Variants in ZCCHC14 observed in about 807,000 individuals in gnomAD.
ZCCHC14 encodes the protein zinc finger CCHC domain-containing protein 14.
In ZCCHC14, 16 loss-of-function variants were observed where a neutral mutation model predicts 85.0. The observed-to-expected ratio is 0.19, with a 90% CI of 0.13 to 0.29. ZCCHC14 has a LOEUF of 0.29. Among genes scored for constraint, ZCCHC14 ranks in the 10% least tolerant of loss-of-function variants. The pLI is 1.00. For synonymous variants in ZCCHC14, 775 were observed against 630.7 expected (o/e 1.23, Z -3.43); for missense variants, 1,303 against 1,443.5 (o/e 0.90, Z 1.58).
At chr16:87,465,685 GT>G (rs1445713950) in intron 1 of ZCCHC14, among the ~76,000 whole-genome samples, 1 of 152,206 alleles carries the variant, frequency 6.6e-6, no homozygotes, top group African/African-American at 2.4e-5. Flanking sequence ...TGAAACGCAG[GT>G]TTGATTCATG....
chr16:87,452,055 G>A (rs561238875), intron 2 of ZCCHC14, among the ~76,000 whole-genome samples: 1 of 152,370 alleles, frequency 6.6e-6, no homozygotes, highest in Non-Finnish European at 1.5e-5. Flanking sequence ...GTAAGCAGGG[G>A]CGTGCAGTGA....
In ZCCHC14 at chr16:87,412,730, G is replaced by A. The variant is rs753602773; in HGVS notation, c.1991C>T (p.Ser664Leu). Residue 664 changes from serine to leucine, a missense_variant, in exon 12 of 13, where the codon TCG becomes TTG. Physicochemically the swap from Ser to Leu is moderately radical, Grantham distance 145. Around this residue, in one of 7 missense-constraint regions of ZCCHC14, gnomAD observed 797 missense variants for 730.8 expected, o/e 1.09. Coordinates refer to ENST00000671377, the MANE Select transcript of ZCCHC14 (RefSeq NM_015144.3). ...AGACAAAAGTGAGTGCACAGAAGAC[G>A]AGAGGAGCTTCATGTCCGCGCTCCC... ...ERGSADMKLL[S>L]SSVHSLLSLE... 6 of 1,614,228 alleles carry A rather than the reference G, an allele frequency of 3.7e-6. No individual in the cohort carries two copies. The highest frequency in any genetic ancestry group is 4.2e-6 in the Non-Finnish European group (5 of 1,180,042).
chr16:87,470,411 A>T (rs1037808448), intron 1 of ZCCHC14: 1 of 151,092 alleles, frequency 6.6e-6, no homozygotes, highest in East Asian at 1.9e-4. Flanking sequence ...ACTACAGTTA[A>T]AATGTTCTCA....
chr16:87,483,197 C>T (rs1328774907), intron 1 of ZCCHC14, among the ~76,000 whole-genome samples: 1 of 151,052 alleles, frequency 6.6e-6, no homozygotes, highest in East Asian at 1.9e-4. Context: ...GTGGCTCACA[C>T]CTGGAATCCC....
chr16:87,477,118 C>A (rs1281683567), intron 1 of ZCCHC14, among the ~76,000 whole-genome samples: 1 of 56,022 alleles, frequency 1.8e-5, no homozygotes, highest in Non-Finnish European at 2.6e-5. Context: ...GAGACTCAGT[C>A]TCAAAAAAAA....
chr16:87,491,819 G>A lies in ZCCHC14; in HGVS notation c.420C>T (p.Ser140=), dbSNP rs1350923229. 1 of 1,585,020 alleles carries A rather than the reference G, an allele frequency of 6.3e-7. No homozygotes were observed. The highest frequency in any genetic ancestry group is 8.5e-7 in the Non-Finnish European group (1 of 1,169,874). Residue 140 remains serine (S), a synonymous_variant, in exon 1 of 13, where the codon TCC becomes TCT. Coordinates refer to ENST00000671377, the MANE Select transcript of ZCCHC14 (RefSeq NM_015144.3). This position sits in a 1 kb window ranked among gnomAD's most constrained non-coding sequence, Gnocchi z 5.9. ...GGTGGAAGCTGAAGGCCGGGTGGTTGGAGGCCATGGTGAACAGCAGCAGGA... is the reference window on the plus strand; with the variant it reads ...GGTGGAAGCTGAAGGCCGGGTGGTTAGAGGCCATGGTGAACAGCAGCAGGA... ...DEFLLLFTMA[S]NHPAFSFHQK...
intron 1 of ZCCHC14, among the ~76,000 whole-genome samples, chr16:87,484,700 G>A (rs1322118748): frequency 1.3e-5 from 2 of 152,222 alleles, no homozygotes; most frequent in Non-Finnish European, 1.5e-5. Context: ...CCTCAGTGGT[G>A]AAGCGACTAA....
rs1908533021 is a variant in ZCCHC14, at chr16:87,412,673, C to T, written c.2048G>A (p.Arg683Lys). 2 of 1,614,140 alleles carry T rather than the reference C, an allele frequency of 1.2e-6. No individual in the cohort carries two copies. Among genetic ancestry groups the T allele is most frequent in the Non-Finnish European group, 8.5e-7 (1 of 1,180,058 alleles). ...LEERNKGSGP[R>K]SSMKVDKSFG... ...GCTCTTGTCCACTTTCATGCTGCTT[C>T]TTGGTCCAGATCCTTTATTCCTTTC... The change falls in exon 12 of 13, where the codon AGA (arginine) becomes AAA (lysine). Residue 683 changes from arginine (R) to lysine (K), a missense_variant. Arg to Lys is a conservative substitution (Grantham distance 26, BLOSUM62 2). Transcript: ENST00000671377.
intron 3 of ZCCHC14, among the ~76,000 whole-genome samples, chr16:87,427,179 C>T (rs147917909): frequency 2.6e-5 from 4 of 152,346 alleles, no homozygotes; most frequent in African/African-American, 4.8e-5. Context: ...AGCTCTGCCA[C>T]GGGTCACCTT....
Position 87,413,331 on chromosome 16 carries a change from C to T in ZCCHC14, c.1604-136G>A, listed in dbSNP as rs548218848. On this transcript the variant is annotated intron_variant, in intron 10 of 12. Coordinates refer to ENST00000671377, the MANE Select transcript of ZCCHC14 (RefSeq NM_015144.3). Reference sequence around the variant, plus strand: ...GGCTCTGAGAGTCAGAAAACGAACACGCCGGCCCAGGCCGCACGGTGACGG... The same window carrying T: ...GGCTCTGAGAGTCAGAAAACGAACATGCCGGCCCAGGCCGCACGGTGACGG... The T allele has an allele frequency of 1.5e-5, 19 of 1,297,536 alleles. No homozygotes were observed. In the East Asian group the frequency reaches 2.3e-4, roughly 16 times the overall value. The allele number at this position is 1,297,536 out of a possible 1,614,324, so 80.4% of individuals were successfully genotyped here. A position where few individuals can be genotyped will look rare whatever the true frequency, so the allele number is the denominator to read the frequency against.
At chr16:87,483,226 G>C (rs1190319784) in intron 1 of ZCCHC14, among the ~76,000 whole-genome samples, 1 of 148,338 alleles carries the variant, frequency 6.7e-6, no homozygotes, top group Non-Finnish European at 1.5e-5. Flanking sequence ...GGGAGGCCGA[G>C]GTGGGTGGAT....
At chr16:87,417,139 A>G (rs1483660802) in intron 8 of ZCCHC14, among the ~76,000 whole-genome samples, 1 of 152,194 alleles carries the variant, frequency 6.6e-6, no homozygotes, top group African/African-American at 2.4e-5. Flanking sequence ...AATGTCTAAA[A>G]GGGGCACCGT....
At chr16:87,456,977 T>C (rs573333534) in intron 2 of ZCCHC14, among the ~76,000 whole-genome samples, 1 of 152,336 alleles carries the variant, frequency 6.6e-6, no homozygotes, top group East Asian at 1.9e-4. Context: ...GTTGAGAGTA[T>C]TAGTAAAAGC....
rs1183948346 is a variant in ZCCHC14 at position 87,491,008 on chromosome 16, G to A, written c.570+661C>T. 6.6e-6 allele frequency among the ~76,000 whole-genome samples: 1 copy of A among 152,266 alleles called. No homozygotes were observed. The highest frequency in any genetic ancestry group is 1.5e-5 in the Non-Finnish European group (1 of 68,052). On this transcript the variant is annotated intron_variant, in intron 1 of 12. Transcript: ENST00000671377. The surrounding 1 kb of genome is among the most constrained non-coding windows in gnomAD (Gnocchi z 5.9). Reference sequence around the variant, plus strand: ...GCGCCTTGCAATGTTCACCTCACCGGCGGCTTCTGGCGTGGCCACGGCTCC... The same window carrying A: ...GCGCCTTGCAATGTTCACCTCACCGACGGCTTCTGGCGTGGCCACGGCTCC...
chr16:87,442,139 G>A (rs765692450), intron 2 of ZCCHC14, among the ~76,000 whole-genome samples: 36 of 152,150 alleles, frequency 2.4e-4, no homozygotes, highest in African/African-American at 5.8e-4. Flanking sequence ...GCGTTCACCC[G>A]GGGGCTGCAC....
intron 2 of ZCCHC14, among the ~76,000 whole-genome samples, chr16:87,450,623 T>C (rs1019384052): frequency 1.1e-4 from 16 of 144,926 alleles, no homozygotes; most frequent in African/African-American, 4.1e-4. Flanking sequence ...CAGACTGGAG[T>C]GTAATGGCAT....
chr16:87,476,853 G>A (rs930492990), intron 1 of ZCCHC14, among the ~76,000 whole-genome samples: 9 of 152,072 alleles, frequency 5.9e-5, no homozygotes, highest in African/African-American at 1.9e-4. Context: ...GTGGCCGGGC[G>A]CGGTGGCTCG....
intron 1 of ZCCHC14, among the ~76,000 whole-genome samples, chr16:87,483,408 T>A (rs1912377152): frequency 6.7e-6 from 1 of 149,454 alleles, no homozygotes; most frequent in Non-Finnish European, 1.5e-5. Flanking sequence ...GAAGAATTGC[T>A]TGAACCCGGG....
chr16:87,457,990 A>G (rs1240575939), intron 2 of ZCCHC14, among the ~76,000 whole-genome samples: 1 of 152,120 alleles, frequency 6.6e-6, no homozygotes, highest in African/African-American at 2.4e-5. Context: ...CCGCCAGCCT[A>G]CGCAGGCTTT....
Sources: allele counts gnomAD v4.1 joint callset (sites outside exome capture counted in the v4.1 genomes callset), GRCh38; gene constraint gnomAD v4.1.1; regional missense constraint gnomAD v4.1.1; non-coding constraint Gnocchi (gnomAD v3.1); transcripts MANE v1.5; gene names NCBI Gene and HGNC (gene_info 2026-07-23, HGNC 2026-07-21).